The following TIMM23B variants were observed in gnomAD, a reference collection of about 807,000 sequenced individuals.
TIMM23B encodes translocase of inner mitochondrial membrane 23 homolog B, also known as mitochondrial import inner membrane translocase subunit Tim23B.
Under a neutral mutation model 27.3 loss-of-function variants are expected in TIMM23B, and 27 were observed. That is an observed-to-expected ratio of 0.99 (90% CI 0.73 to 1.36). The LOEUF is 1.36. Among genes scored for constraint, TIMM23B ranks in the 40% most tolerant of loss-of-function variants. The pLI is 0.00. For missense variants in TIMM23B, 205 were observed against 244.2 expected (o/e 0.84, Z 1.07); for synonymous variants, 73 against 92.4 (o/e 0.79, Z 1.21).
At chr10:49,954,179 G>A in intron 4 of TIMM23B, 1 of 176,246 alleles carries the variant, frequency 5.7e-6, no homozygotes. Context: ...AACTGAATGA[G>A]TTCCTTCACT....
chr10:49,945,376 G>T (rs1446170931), intron 2 of TIMM23B, among the ~76,000 whole-genome samples: 5 of 151,968 alleles, frequency 3.3e-5, no homozygotes, highest in African/African-American at 9.7e-5. Context: ...GGGTTTTTTT[G>T]TTTGTTTGTT....
intron 6 of TIMM23B, among the ~76,000 whole-genome samples, chr10:49,958,793 A>G (rs1404297854): frequency 9.9e-5 from 15 of 152,232 alleles, no homozygotes; most frequent in Non-Finnish European, 2.2e-4. Context: ...GCTCCTGATA[A>G]TGTTACACTT....
intron 4 of TIMM23B, among the ~76,000 whole-genome samples, chr10:49,953,026 C>T (rs61847091): frequency 3.3e-5 from 5 of 152,174 alleles, no homozygotes; most frequent in Non-Finnish European, 5.9e-5. Context: ...TTAGAGTTAA[C>T]TCCAAAAGGA....
intron 6 of TIMM23B, among the ~76,000 whole-genome samples, chr10:49,971,114 A>G (rs1158332869): frequency 6.6e-6 from 1 of 152,220 alleles, no homozygotes; most frequent in African/African-American, 2.4e-5. Flanking sequence ...TTTGTTAAAC[A>G]GATGCTTGAA....
intron 6 of TIMM23B, among the ~76,000 whole-genome samples, chr10:49,959,217 T>TAC (rs1839819690): frequency 6.6e-6 from 1 of 152,218 alleles, no homozygotes; most frequent in African/African-American, 2.4e-5. Context: ...TTAGTTTAGT[T>TAC]TTTTTAATCT....
At position 49,964,148 on chromosome 10, in the gene TIMM23B, G is replaced by A. The variant is rs572944835; in HGVS notation, c.514+5668G>A. ...AATATGAAATGCCAGGTGTGGTGGC[G>A]CACTCCAGCCTGGGTGATAGAGCGA... On this transcript the variant is annotated intron_variant, in intron 6 of 6. Coordinates refer to ENST00000651259, the MANE Select transcript of TIMM23B (RefSeq NM_001290117.2). Among the ~76,000 whole-genome samples, 12 of 151,760 alleles carry A rather than the reference G, an allele frequency of 7.9e-5. No individual in the cohort carries two copies. In the East Asian group the frequency reaches 1.7e-3, roughly 22 times the overall value.
At chr10:49,943,020 A>G (rs1219854282) in intron 1 of TIMM23B, among the ~76,000 whole-genome samples, 2 of 152,250 alleles carry the variant, frequency 1.3e-5, no homozygotes, top group African/African-American at 2.4e-5. Flanking sequence ...TTGGTCGTGG[A>G]TAAAGCCTTT....
intron 4 of TIMM23B, among the ~76,000 whole-genome samples, chr10:49,952,922 G>T (rs1839585908): frequency 6.6e-6 from 1 of 152,060 alleles, no homozygotes; most frequent in Non-Finnish European, 1.5e-5. Flanking sequence ...GAGAGTGATG[G>T]CTCAAGCTGC....
intron 5 of TIMM23B, among the ~76,000 whole-genome samples, chr10:49,955,635 C>A (rs1196176215): frequency 6.6e-6 from 1 of 152,202 alleles, no homozygotes; most frequent in African/African-American, 2.4e-5. Flanking sequence ...TGATCACTTA[C>A]AATAGATCTC....
At chr10:49,952,377 A>G in intron 3 of TIMM23B, 72 bp from the exon 4 acceptor site, 2 of 1,527,628 alleles carry the variant, frequency 1.3e-6, no homozygotes, top group Non-Finnish European at 1.8e-6. Flanking sequence ...TCAGAAGTGT[A>G]GTTATGCAGT....
chr10:49,972,010 T>C lies in TIMM23B; in HGVS notation c.515-1002T>C, dbSNP rs1840472814. ...AGCATCTTTCTATCTGGGATCAGTA[T>C]TTCTAAGTTGCCTTTAAGCTGAATA... On this transcript the variant is annotated intron_variant, in intron 6 of 6. Coordinates refer to ENST00000651259, the MANE Select transcript of TIMM23B (RefSeq NM_001290117.2). Among the ~76,000 whole-genome samples the C allele has an allele frequency of 4.6e-5, 7 of 152,372 alleles. No homozygotes were observed. The South Asian group carries it at 1.4e-3, about 32-fold the overall frequency.
chr10:49,964,260 A>C (rs138933322), intron 6 of TIMM23B, among the ~76,000 whole-genome samples: 128 of 152,078 alleles, frequency 8.4e-4, no homozygotes, highest in African/African-American at 3.0e-3. Context: ...ATGAAATGCC[A>C]GGTGTGGTGG....
At chr10:49,951,398 T>G (rs1165130934) in intron 2 of TIMM23B, among the ~76,000 whole-genome samples, 1 of 152,192 alleles carries the variant, frequency 6.6e-6, no homozygotes, top group Non-Finnish European at 1.5e-5. Flanking sequence ...GTGTGATTTT[T>G]TTTTTTTTAA....
chr10:49,973,044 G>A lies in TIMM23B; in HGVS notation c.547G>A (p.Val183Met). The change falls in exon 7 of 7, where the codon GTG becomes ATG. Residue 183 changes from valine to methionine, a missense_variant. Physicochemically the swap from Val to Met is conservative, Grantham distance 21. Transcript: ENST00000651259. Reference sequence around the variant, plus strand: ...GATGGCTTTGGATTCCCCGTTCTGTGTGCTGCTGTCTGGCTCCTGAACCCA... The same window carrying A: ...GATGGCTTTGGATTCCCCGTTCTGTATGCTGCTGTCTGGCTCCTGAACCCA... Reference protein sequence around the residue: ...SEMALDSPFCVLLSGS With the variant: ...SEMALDSPFCMLLSGS 6.5e-7 allele frequency: 1 copy of A among 1,533,206 alleles called. No homozygotes were observed. Among genetic ancestry groups the A allele is most frequent in the Non-Finnish European group, 8.7e-7 (1 of 1,146,450 alleles). The allele number at this position is 1,533,206 out of a possible 1,614,324, so 95.0% of individuals were successfully genotyped here. A position where few individuals can be genotyped will look rare whatever the true frequency, so the allele number is the denominator to read the frequency against.
intron 2 of TIMM23B, among the ~76,000 whole-genome samples, chr10:49,950,108 G>T (rs1284244586): frequency 2.0e-5 from 3 of 151,498 alleles, no homozygotes; most frequent in African/African-American, 7.3e-5. Context: ...TGTTAGCCCA[G>T]GTGAACATCT....
Position 49,974,592 on chromosome 10 carries a change from T to C in TIMM23B, c.*1528T>C, listed in dbSNP as rs1554857254. The C allele has an allele frequency of 6.6e-6, 1 of 151,512 alleles. No individual in the cohort carries two copies. Among genetic ancestry groups the C allele is most frequent in the East Asian group, 1.9e-4 (1 of 5,192 alleles). 9.4% of individuals were successfully genotyped at this position (151,512 alleles called of 1,614,324 possible). ...ATGTGTGTATATACAAATACCTATA[T>C]GTATGTGTGTACACATACAGCTGAT... On this transcript the variant is annotated 3_prime_UTR_variant, in exon 7 of 7. Coordinates refer to ENST00000651259, the MANE Select transcript of TIMM23B (RefSeq NM_001290117.2).
chr10:49,947,121 C>T (rs1839377387), intron 2 of TIMM23B, among the ~76,000 whole-genome samples: 1 of 152,142 alleles, frequency 6.6e-6, no homozygotes, highest in Non-Finnish European at 1.5e-5. Context: ...AAAATGTTAC[C>T]ACCAAATGGA....
chr10:49,942,394 T>G, intron 1 of TIMM23B, 94 bp downstream of exon 1: 1 of 1,546,974 alleles, frequency 6.5e-7, no homozygotes, highest in Non-Finnish European at 8.7e-7. Flanking sequence ...TGGTTTTTTT[T>G]TCCTTGCTGG....
At chr10:49,958,510 T>C (rs1839795550) in intron 6 of TIMM23B, 30 bp downstream of exon 6, 5 of 1,605,342 alleles carry the variant, frequency 3.1e-6, no homozygotes, top group Non-Finnish European at 4.3e-6. Context: ...GAGCCATCTC[T>C]TAATATACTT....
Sources: allele counts gnomAD v4.1 joint callset (sites outside exome capture counted in the v4.1 genomes callset), GRCh38; gene constraint gnomAD v4.1.1; transcripts MANE v1.5; gene names NCBI Gene and HGNC (gene_info 2026-07-23, HGNC 2026-07-21).